Variants in CRB1 observed in about 807,000 individuals in gnomAD.
CRB1 encodes protein crumbs homolog 1.
Under a neutral mutation model 120.0 loss-of-function variants are expected in CRB1, and 83 were observed. The observed-to-expected ratio is 0.69, with a 90% CI of 0.58 to 0.83. The LOEUF (loss-of-function observed/expected upper bound fraction) is 0.83, where lower values mean the gene tolerates loss of function less well. CRB1 is among the 40% of genes least tolerant of loss of function. CRB1 has a pLI of 0.00. For missense variants in CRB1, 1,699 were observed against 1,687.6 expected (o/e 1.01, Z -0.12); for synonymous variants, 625 against 612.5 (o/e 1.02, Z -0.30).
chr1:197,213,025 T>A, the CRB1 span, among the ~76,000 whole-genome samples: 4 of 152,128 alleles, frequency 2.6e-5, no homozygotes, highest in African/African-American at 7.2e-5. Flanking sequence ...GTATAAAAAT[T>A]GAAACTATGA....
At chr1:197,282,741 A>T (rs1655596531) in intron 1 of CRB1, among the ~76,000 whole-genome samples, 1 of 151,930 alleles carries the variant, frequency 6.6e-6, no homozygotes, top group Non-Finnish European at 1.5e-5. Flanking sequence ...AATGTCTTGT[A>T]AAACTATTAT....
At chr1:197,393,171 G>A (rs1025834632) in intron 5 of CRB1, among the ~76,000 whole-genome samples, 4 of 152,048 alleles carry the variant, frequency 2.6e-5, no homozygotes, top group African/African-American at 9.7e-5. Flanking sequence ...AAAAGCACAT[G>A]CAAAAGAGGC....
At chr1:197,303,217 G>T (rs1325932565) in intron 1 of CRB1, among the ~76,000 whole-genome samples, 1 of 150,378 alleles carries the variant, frequency 6.6e-6, no homozygotes. Context: ...GTGCCATGCT[G>T]GTGTGCTGCA....
At chr1:197,330,416 T>C (rs950339679) in intron 2 of CRB1, among the ~76,000 whole-genome samples, 9 of 152,186 alleles carry the variant, frequency 5.9e-5, no homozygotes, top group African/African-American at 1.7e-4. Flanking sequence ...AGCTTCCCAC[T>C]ACACAGAGAA....
At chr1:197,206,847 A>C in the CRB1 span, among the ~76,000 whole-genome samples, 2 of 152,114 alleles carry the variant, frequency 1.3e-5, no homozygotes, top group Admixed American at 1.3e-4. Flanking sequence ...GAAGTCCCCC[A>C]ATATTACTGT....
chr1:197,268,701 G>A (rs1447147609), intron 1 of CRB1, among the ~76,000 whole-genome samples: 1 of 152,022 alleles, frequency 6.6e-6, no homozygotes, highest in Non-Finnish European at 1.5e-5. Context: ...AGGTATTCAG[G>A]TACAGAAATT....
the CRB1 span, among the ~76,000 whole-genome samples, chr1:197,204,653 C>A: frequency 6.6e-6 from 1 of 151,954 alleles, no homozygotes; most frequent in Non-Finnish European, 1.5e-5. Context: ...TGTTTGAGTT[C>A]CTTGTAGATT....
At chr1:197,351,399 A>G (rs1401519683) in intron 4 of CRB1, among the ~76,000 whole-genome samples, 1 of 151,008 alleles carries the variant, frequency 6.6e-6, no homozygotes, top group Non-Finnish European at 1.5e-5. Flanking sequence ...AGAAGAAAAG[A>G]AAAGAGAAAA....
At chr1:197,400,786 G>T (rs980910594) in intron 5 of CRB1, among the ~76,000 whole-genome samples, 1 of 152,010 alleles carries the variant, frequency 6.6e-6, no homozygotes, top group Non-Finnish European at 1.5e-5. Context: ...TTGTGTTTCT[G>T]TTTTGAAATA....
chr1:197,289,963 TTATA>T (rs1558032411), intron 1 of CRB1, among the ~76,000 whole-genome samples: 1 of 151,646 alleles, frequency 6.6e-6, no homozygotes, highest in Admixed American at 6.6e-5. Context: ...TATATAGTTG[TTATA>T]TATAGTTATT....
intron 11 of CRB1, among the ~76,000 whole-genome samples, chr1:197,463,896 A>G (rs879364754): frequency 1.3e-5 from 2 of 152,224 alleles, no homozygotes; most frequent in Admixed American, 6.6e-5. Flanking sequence ...CCTAGTTGTC[A>G]TCTTTGTCAT....
chr1:197,288,347 G>A (rs1274689442), intron 1 of CRB1, among the ~76,000 whole-genome samples: 1 of 151,728 alleles, frequency 6.6e-6, no homozygotes, highest in African/African-American at 2.4e-5. Flanking sequence ...ATATTGCTTC[G>A]GTAGTTACAA....
intron 3 of CRB1, 93 bp downstream of exon 3, chr1:197,344,569 GGC>G: frequency 7.9e-7 from 1 of 1,263,152 alleles, no homozygotes; most frequent in Non-Finnish European, 1.2e-6. Context: ...TCACGTTCTC[GGC>G]TTAAAATTTG....
At chr1:197,357,831 A>C (rs189600694) in intron 5 of CRB1, 1 of 152,386 alleles carries the variant, frequency 6.6e-6, no homozygotes, top group East Asian at 1.9e-4. Context: ...TTTGAAATTT[A>C]ATGGTCTTTG....
chr1:197,286,417 G>T (rs188740355), intron 1 of CRB1, among the ~76,000 whole-genome samples: 48 of 152,030 alleles, frequency 3.2e-4, no homozygotes, highest in African/African-American at 1.2e-3. Flanking sequence ...AAGTGACAGA[G>T]CTAGAACAGA....
intron 1 of CRB1, among the ~76,000 whole-genome samples, chr1:197,300,693 C>A (rs1571796593): frequency 6.6e-6 from 1 of 152,170 alleles, no homozygotes; most frequent in Non-Finnish European, 1.5e-5. Flanking sequence ...AAAGTGGCTA[C>A]ACTGAAAAGC....
intron 5 of CRB1, among the ~76,000 whole-genome samples, chr1:197,414,676 A>G (rs766606402): frequency 5.3e-5 from 8 of 152,188 alleles, no homozygotes; most frequent in Non-Finnish European, 8.8e-5. Context: ...GTATTCAACT[A>G]AAATACCCAA....
rs1346978684 is a variant in CRB1 at position 197,427,890 on chromosome 1, A to G, written c.2565A>G (p.Val855=). The G allele has an allele frequency of 6.8e-6, 11 of 1,614,040 alleles. No individual in the cohort carries two copies. Among genetic ancestry groups the G allele is most frequent in the East Asian group, 2.2e-5 (1 of 44,880 alleles). ...TCTTCAAAGGCTGTATCCAAGATGTAAGACTAAACAACCAAAATCTGGAAT... is the reference window on the plus strand; with the variant it reads ...TCTTCAAAGGCTGTATCCAAGATGTGAGACTAAACAACCAAAATCTGGAAT... The part of the protein sequence containing the change: ...GGFFKGCIQD[V]RLNNQNLEFF... Residue 855 remains valine, a synonymous_variant, in exon 7 of 12, where the codon GTA becomes GTG. Transcript: ENST00000367400.
chr1:197,335,586 C>T (rs1468772231), intron 2 of CRB1, among the ~76,000 whole-genome samples: 2 of 152,082 alleles, frequency 1.3e-5, no homozygotes, highest in Non-Finnish European at 2.9e-5. Context: ...GCAACCTCCA[C>T]CTCCCAGGTT....
Sources: gnomAD v4.1 joint callset for allele counts (sites outside exome capture counted in the v4.1 genomes callset) on GRCh38, gnomAD v4.1.1 for gene constraint, MANE v1.5 for transcripts, NCBI Gene and HGNC (gene_info 2026-07-23, HGNC 2026-07-21) for gene names.